The following CIT variants were observed in gnomAD, a reference collection of about 807,000 sequenced individuals.
The protein encoded by CIT is citron Rho-interacting kinase.
Under a neutral mutation model 272.7 loss-of-function variants are expected in CIT, and 79 were observed. That is an observed-to-expected ratio of 0.29 (90% CI 0.24 to 0.35). The LOEUF (loss-of-function observed/expected upper bound fraction) is 0.35, where lower values mean the gene tolerates loss of function less well. Among genes scored for constraint, CIT ranks in the 10% least tolerant of loss-of-function variants. CIT has a pLI of 1.00. For synonymous variants in CIT, 948 were observed against 995.6 expected, an observed-to-expected ratio of 0.95 and a Z score of 0.90; for missense variants, 1,909 against 2,618.3, an observed-to-expected ratio of 0.73 and a Z score of 5.91.
chr12:119,700,709 G>A, intron 44 of CIT, 36 bp downstream of exon 44: 1 of 1,550,500 alleles, frequency 6.4e-7, no homozygotes, highest in Non-Finnish European at 8.9e-7. Context: ...ACCAGCTGCT[G>A]GCAAAAGAGA....
chr12:119,817,962 C>A (rs989056840), intron 9 of CIT, among the ~76,000 whole-genome samples: 1 of 151,606 alleles, frequency 6.6e-6, no homozygotes, highest in African/African-American at 2.4e-5. Context: ...CTTAAATAGA[C>A]CTAGAGATTA....
At chr12:119,870,067 A>C (rs928856969) in intron 2 of CIT, among the ~76,000 whole-genome samples, 37 of 152,252 alleles carry the variant, frequency 2.4e-4, no homozygotes, top group African/African-American at 8.7e-4. Flanking sequence ...CAAGCCATGG[A>C]TAGTGGTGGT....
In CIT at chr12:119,718,968, C is replaced by T; in HGVS notation, c.3841-107G>A. On this transcript the variant is annotated intron_variant, in intron 30 of 47. Transcript: ENST00000392521. This position sits in a 1 kb window ranked among gnomAD's most constrained non-coding sequence, Gnocchi z 4.8. Reference sequence around the variant, plus strand: ...GCAAACCACAAAAGCCAGGAGCATACTCACTGTAAGTGTATTTAGTAAAAA... The same window carrying T: ...GCAAACCACAAAAGCCAGGAGCATATTCACTGTAAGTGTATTTAGTAAAAA... 9.1e-7 allele frequency: 1 copy of T among 1,100,826 alleles called. No individual in the cohort carries two copies. Among genetic ancestry groups the T allele is most frequent in the Non-Finnish European group, 1.3e-6 (1 of 748,460 alleles). 68.2% of individuals were successfully genotyped at this position (1,100,826 alleles called of 1,614,324 possible). A position where few individuals can be genotyped will look rare whatever the true frequency, so the allele number is the denominator to read the frequency against.
intron 9 of CIT, among the ~76,000 whole-genome samples, chr12:119,822,182 A>G (rs1566090528): frequency 6.6e-6 from 1 of 152,250 alleles, no homozygotes; most frequent in Non-Finnish European, 1.5e-5. Context: ...AAGGATTTTT[A>G]AAAGATCACC....
intron 23 of CIT, among the ~76,000 whole-genome samples, chr12:119,751,643 A>G (rs1374431886): frequency 1.3e-5 from 2 of 151,996 alleles, no homozygotes; most frequent in Non-Finnish European, 2.9e-5. Context: ...AAGGTTAACT[A>G]AAACAAAAAG....
At chr12:119,741,692 T>C (rs1290285767) in intron 24 of CIT, among the ~76,000 whole-genome samples, 1 of 151,866 alleles carries the variant, frequency 6.6e-6, no homozygotes, top group African/African-American at 2.4e-5. Context: ...AAGAAGGTAA[T>C]AAAGTGACAA....
intron 44 of CIT, among the ~76,000 whole-genome samples, chr12:119,700,214 G>A (rs558856741): frequency 2.0e-5 from 3 of 152,254 alleles, no homozygotes; most frequent in Non-Finnish European, 4.4e-5. Context: ...TCCCAGGGCT[G>A]GGACTGTGGG....
chr12:119,789,574 G>A (rs1965122740), intron 10 of CIT, among the ~76,000 whole-genome samples: 1 of 152,112 alleles, frequency 6.6e-6, no homozygotes, highest in Admixed American at 6.5e-5. Flanking sequence ...ATGTAGACAT[G>A]GGGAAATTCA....
At chr12:119,814,827 A>G (rs1266878956) in intron 9 of CIT, among the ~76,000 whole-genome samples, 6 of 152,058 alleles carry the variant, frequency 3.9e-5, no homozygotes, top group African/African-American at 1.4e-4. Context: ...ACCTGAGGTC[A>G]GGAGTTCGAG....
At chr12:119,708,651 A>C (rs1015038692) in intron 39 of CIT, among the ~76,000 whole-genome samples, 3 of 151,704 alleles carry the variant, frequency 2.0e-5, no homozygotes, top group African/African-American at 7.3e-5. Flanking sequence ...ACGCCTGGCT[A>C]ATTTTTTTTT....
At chr12:119,856,934 A>G (rs1286621270) in intron 4 of CIT, among the ~76,000 whole-genome samples, 2 of 152,148 alleles carry the variant, frequency 1.3e-5, no homozygotes, top group Non-Finnish European at 2.9e-5. Flanking sequence ...GTAATAAATT[A>G]CTCTCTGAAT....
chr12:119,796,652 C>T (rs2137820116), intron 10 of CIT, among the ~76,000 whole-genome samples: 1 of 152,104 alleles, frequency 6.6e-6, no homozygotes, highest in African/African-American at 2.4e-5. Context: ...ACACAGTGTA[C>T]GATGGGAGGA....
At chr12:119,795,954 G>A (rs1038625043) in intron 10 of CIT, among the ~76,000 whole-genome samples, 1 of 152,226 alleles carries the variant, frequency 6.6e-6, no homozygotes, top group Non-Finnish European at 1.5e-5. Flanking sequence ...TATAATCCCT[G>A]GCCATTTTAG....
intron 28 of CIT, among the ~76,000 whole-genome samples, chr12:119,726,800 G>C (rs574130510): frequency 6.6e-6 from 1 of 152,206 alleles, no homozygotes; most frequent in Non-Finnish European, 1.5e-5. Flanking sequence ...CAGGGCTCTG[G>C]TTGGGGAGTG....
At position 119,701,657 on chromosome 12, in the gene CIT, C is replaced by T; in HGVS notation, c.5509G>A (p.Gly1837Arg). The T allele has an allele frequency of 6.2e-7, 1 of 1,614,208 alleles. No individual in the cohort carries two copies. The highest frequency in any genetic ancestry group is 8.5e-7 in the Non-Finnish European group (1 of 1,180,036). ...PVSIVQVNSA[G>R]QREEYLLCFH... The stretch of plus-strand genomic sequence containing the variant: ...CACAGCAAGTACTCCTCTCGCTGCC[C>T]TGCGCTGTTCACCTGCACGATTGAG... Residue 1837 changes from glycine to arginine, a missense_variant, in exon 43 of 48, where the codon GGG becomes AGG. Gly to Arg is a moderately radical substitution (Grantham distance 125). Transcript: ENST00000392521.
At chr12:119,868,364 T>A (rs1950573849) in intron 3 of CIT, among the ~76,000 whole-genome samples, 1 of 152,188 alleles carries the variant, frequency 6.6e-6, no homozygotes, top group African/African-American at 2.4e-5. Context: ...AGTAATTAAA[T>A]TCATTAAAAT....
At chr12:119,838,733 A>T (rs1376553879) in intron 5 of CIT, among the ~76,000 whole-genome samples, 1 of 152,182 alleles carries the variant, frequency 6.6e-6, no homozygotes, top group Non-Finnish European at 1.5e-5. Context: ...CTTTCTGCAT[A>T]TCAAGACAAG....
rs35433156 is a variant in CIT at position 119,833,663 on chromosome 12, C to CAA, written c.659+421_659+422dup. On this transcript the variant is annotated intron_variant, in intron 6 of 47. Transcript: ENST00000392521. ...CTGGCAACAGAGCTAGACTCTGTCTCAAAAAAAAAAAAAAAAAAAAAAAAT... is the reference window on the plus strand; with the variant it reads ...CTGGCAACAGAGCTAGACTCTGTCTCAAAAAAAAAAAAAAAAAAAAAAAAAAT... Among the ~76,000 whole-genome samples, 470 of 83,770 alleles carry CAA rather than the reference C, an allele frequency of 5.6e-3. 8 individuals carry two copies. The highest frequency in any genetic ancestry group is 0.016 in the African/African-American group (346 of 21,412). 55.0% of individuals were successfully genotyped at this position (83,770 alleles called of 152,430 possible). A position where few individuals can be genotyped will look rare whatever the true frequency, so the allele number is the denominator to read the frequency against.
intron 10 of CIT, among the ~76,000 whole-genome samples, chr12:119,801,308 G>A (rs776514227): frequency 2.0e-5 from 3 of 152,104 alleles, no homozygotes; most frequent in Non-Finnish European, 4.4e-5. Flanking sequence ...AATATTTATC[G>A]AGTGCCTCAG....
Sources: allele counts gnomAD v4.1 joint callset (sites outside exome capture counted in the v4.1 genomes callset), GRCh38; gene constraint gnomAD v4.1.1; non-coding constraint Gnocchi (gnomAD v3.1); transcripts MANE v1.5; gene names NCBI Gene and HGNC (gene_info 2026-07-23, HGNC 2026-07-21).